NTM: variants seen among roughly 807,000 people sequenced by gnomAD.
NTM encodes the protein IgLON family member 2.
Under a neutral mutation model 42.1 loss-of-function variants are expected in NTM, and 13 were observed. That is an observed-to-expected ratio of 0.31 (90% CI 0.20 to 0.49). The LOEUF (loss-of-function observed/expected upper bound fraction) is 0.49, where lower values mean the gene tolerates loss of function less well. Among genes scored for constraint, NTM ranks in the 20% least tolerant of loss-of-function variants. The pLI is 0.99. For synonymous variants in NTM, 187 were observed against 179.2 expected (o/e 1.04, Z -0.35); for missense variants, 373 against 452.8 (o/e 0.82, Z 1.60).
At chr11:131,577,455 A>T (rs776804008) in intron 1 of NTM, among the ~76,000 whole-genome samples, 4 of 152,256 alleles carry the variant, frequency 2.6e-5, no homozygotes, top group Admixed American at 6.5e-5. Context: ...GAGTGTCCCA[A>T]GAACCAGTCA....
chr11:131,825,485 G>C (rs11222806), intron 1 of NTM, among the ~76,000 whole-genome samples: 1 of 152,076 alleles, frequency 6.6e-6, no homozygotes, highest in African/African-American at 2.4e-5. Flanking sequence ...GGACTGGTAA[G>C]TCATGTTACG....
intron 1 of NTM, among the ~76,000 whole-genome samples, chr11:131,478,426 G>C (rs1029321976): frequency 6.6e-6 from 1 of 152,148 alleles, no homozygotes; most frequent in Non-Finnish European, 1.5e-5. Flanking sequence ...GCATATTTCT[G>C]TCATAGTGGT....
At chr11:132,209,348 C>G (rs1341385086) in intron 3 of NTM, among the ~76,000 whole-genome samples, 1 of 152,224 alleles carries the variant, frequency 6.6e-6, no homozygotes, top group Non-Finnish European at 1.5e-5. Context: ...TCCATGTCCA[C>G]TCTCCATTAT....
chr11:131,674,896 C>A (rs1347362140), intron 1 of NTM, among the ~76,000 whole-genome samples: 4 of 152,192 alleles, frequency 2.6e-5, no homozygotes, highest in African/African-American at 9.7e-5. Flanking sequence ...GTCTTATATT[C>A]TCCCTTTCAT....
chr11:131,729,472 G>A (rs1351156237), intron 1 of NTM, among the ~76,000 whole-genome samples: 1 of 152,168 alleles, frequency 6.6e-6, no homozygotes, highest in Non-Finnish European at 1.5e-5. Flanking sequence ...CTTTTAAAGT[G>A]CATAATATGA....
chr11:131,698,020 T>G (rs1030130422), intron 1 of NTM, among the ~76,000 whole-genome samples: 2 of 152,222 alleles, frequency 1.3e-5, no homozygotes, highest in African/African-American at 4.8e-5. Context: ...CAAATTCACC[T>G]GCAGCACAGA....
chr11:132,110,054 C>A (rs897159215), intron 2 of NTM, among the ~76,000 whole-genome samples: 2 of 152,218 alleles, frequency 1.3e-5, no homozygotes, highest in Admixed American at 1.3e-4. Flanking sequence ...CACTTGGGCT[C>A]AACTCTAGCC....
In NTM at chr11:131,617,823, C is replaced by T. The variant is rs182489991; in HGVS notation, c.82+246935C>T. On this transcript the variant is annotated intron_variant, in intron 1 of 8. Transcript: ENST00000683400. ...GCAATGAAACAGATCACTGCAAAGA[C>T]AACCAGAAGCCTTTTGTAGATGATA... Among the ~76,000 whole-genome samples the T allele has an allele frequency of 4.8e-4, 73 of 152,290 alleles. No homozygotes were observed. In the East Asian group the frequency reaches 8.9e-3, roughly 19 times the overall value.
chr11:131,893,652 G>C (rs2051743178), intron 1 of NTM, among the ~76,000 whole-genome samples: 1 of 152,168 alleles, frequency 6.6e-6, no homozygotes, highest in African/African-American at 2.4e-5. Context: ...AATGGAAATG[G>C]AATACTTTGG....
intron 1 of NTM, among the ~76,000 whole-genome samples, chr11:131,686,915 A>G (rs2073958325): frequency 1.3e-5 from 2 of 152,222 alleles, no homozygotes; most frequent in African/African-American, 4.8e-5. Flanking sequence ...AGGCAATCAT[A>G]ACCCAGACTT....
At chr11:131,655,036 GC>G (rs927022863) in intron 1 of NTM, among the ~76,000 whole-genome samples, 9 of 151,726 alleles carry the variant, frequency 5.9e-5, no homozygotes, top group African/African-American at 2.2e-4. Context: ...TACCAACCCC[GC>G]CCCCGCCACT....
intron 4 of NTM, among the ~76,000 whole-genome samples, chr11:132,257,898 T>C (rs2092602361): frequency 6.6e-6 from 1 of 152,192 alleles, no homozygotes; most frequent in Non-Finnish European, 1.5e-5. Context: ...GGGAGGGGCC[T>C]TCGATTTCCT....
intron 1 of NTM, among the ~76,000 whole-genome samples, chr11:131,579,108 T>A (rs1206895435): frequency 2.0e-5 from 3 of 152,134 alleles, no homozygotes; most frequent in Non-Finnish European, 4.4e-5. Flanking sequence ...CTCTTGTGTT[T>A]GAGATCAGGA....
chr11:131,652,940 G>A lies in NTM; in HGVS notation c.83-258624G>A, dbSNP rs138194042. 2.6e-5 allele frequency among the ~76,000 whole-genome samples: 4 copies of A among 152,220 alleles called. No individual in the cohort carries two copies. The East Asian group carries it at 5.8e-4, about 22-fold the overall frequency. On this transcript the variant is annotated intron_variant, in intron 1 of 8. Transcript: ENST00000683400. ...TGCACAATTGCCTTCATCCTTTACC[G>A]CCCTGCCAGATTGTTGACGGAAGCA...
intron 2 of NTM, among the ~76,000 whole-genome samples, chr11:132,014,616 G>T (rs1317107535): frequency 1.3e-5 from 2 of 151,336 alleles, no homozygotes; most frequent in African/African-American, 4.9e-5. Context: ...GTTTTGATTT[G>T]CATTTCTCAG....
At chr11:131,688,188 G>A (rs1355070940) in intron 1 of NTM, among the ~76,000 whole-genome samples, 1 of 152,160 alleles carries the variant, frequency 6.6e-6, no homozygotes, top group Non-Finnish European at 1.5e-5. Flanking sequence ...CGCGCCCCCC[G>A]AGCCGCGAGG....
chr11:132,038,054 G>A (rs1236343956), intron 2 of NTM, among the ~76,000 whole-genome samples: 2 of 152,258 alleles, frequency 1.3e-5, no homozygotes, highest in Middle Eastern at 3.2e-3. Context: ...GGGGCAGAGA[G>A]GAAGTGGTTT....
At chr11:131,938,011 A>T (rs1414051266) in intron 2 of NTM, among the ~76,000 whole-genome samples, 1 of 152,154 alleles carries the variant, frequency 6.6e-6, no homozygotes, top group Non-Finnish European at 1.5e-5. Context: ...TAATTTAACT[A>T]TTACCCATCA....
chr11:132,162,492 G>A (rs1231623371), intron 3 of NTM, among the ~76,000 whole-genome samples: 5 of 148,746 alleles, frequency 3.4e-5, no homozygotes, highest in Non-Finnish European at 6.0e-5. Flanking sequence ...GTGGATGGGG[G>A]GAGTGTGGAT....
Sources: allele counts gnomAD v4.1 joint callset (sites outside exome capture counted in the v4.1 genomes callset), GRCh38; gene constraint gnomAD v4.1.1; transcripts MANE v1.5; gene names NCBI Gene and HGNC (gene_info 2026-07-23, HGNC 2026-07-21).